SLC67A1: variants seen among roughly 807,000 people sequenced by gnomAD.
SLC67A1 encodes solute carrier family 67 member 1.
At chr11:2,913,248 A>G in the SLC67A1 span, among the ~76,000 whole-genome samples, 1 of 152,112 alleles carries the variant, frequency 6.6e-6, no homozygotes, top group Admixed American at 6.5e-5. Context: ...CGCAGTGCCC[A>G]GGACACTCCG....
At chr11:2,923,035 A>G in the SLC67A1 span, among the ~76,000 whole-genome samples, 3 of 152,186 alleles carry the variant, frequency 2.0e-5, no homozygotes, top group East Asian at 5.8e-4. The surrounding 1 kb of genome is among the most constrained non-coding windows in gnomAD (Gnocchi z 6.5). Context: ...TCCCCTAGAC[A>G]TAGATTCCCC....
At chr11:2,914,956 G>C in the SLC67A1 span, 39 of 985,296 alleles carry the variant, frequency 4.0e-5, no homozygotes, top group South Asian at 1.6e-3. Context: ...CCCCTTCCCT[G>C]GCATTTTCCC....
chr11:2,922,145 C>CGGA, the SLC67A1 span: 1 of 1,613,688 alleles, frequency 6.2e-7, no homozygotes, highest in Non-Finnish European at 8.5e-7. Flanking sequence ...AGCCACTTCT[C>CGGA]GGAGGAGGTG....
chr11:2,916,878 A>C, the SLC67A1 span: 1 of 707,426 alleles, frequency 1.4e-6, no homozygotes, highest in Non-Finnish European at 2.5e-6. Flanking sequence ...CCTTCCTTGA[A>C]CCCTTCCCAG....
chr11:2,913,455 A>G, the SLC67A1 span, among the ~76,000 whole-genome samples: 2 of 151,932 alleles, frequency 1.3e-5, no homozygotes, highest in African/African-American at 2.4e-5. Flanking sequence ...GTGTTTGGGG[A>G]ATGGGGGGAC....
the SLC67A1 span, chr11:2,916,886 C>A: frequency 3.0e-6 from 2 of 671,166 alleles, no homozygotes; most frequent in East Asian, 2.7e-5. Context: ...GAACCCTTCC[C>A]AGCTGCTGAC....
At chr11:2,922,171 G>A in the SLC67A1 span, 24 of 1,613,662 alleles carry the variant, frequency 1.5e-5, no homozygotes, top group African/African-American at 6.7e-5. Flanking sequence ...CCGGGCCAGC[G>A]TGCTGGTCTT....
chr11:2,924,637 G>A, the SLC67A1 span, among the ~76,000 whole-genome samples: 5 of 152,216 alleles, frequency 3.3e-5, no homozygotes, highest in Admixed American at 6.5e-5. The surrounding 1 kb of genome is among the most constrained non-coding windows in gnomAD (Gnocchi z 8.6). Context: ...GCCTTCTGCG[G>A]TGACCTGTGG....
chr11:2,924,292 G>A, the SLC67A1 span, among the ~76,000 whole-genome samples: 27 of 152,322 alleles, frequency 1.8e-4, no homozygotes, highest in Middle Eastern at 0.01. The surrounding 1 kb of genome is among the most constrained non-coding windows in gnomAD (Gnocchi z 8.6). Flanking sequence ...GGACAGGAGG[G>A]GCAGGTGGAG....
the SLC67A1 span, chr11:2,919,739 G>T: frequency 8.8e-6 from 3 of 339,082 alleles, no homozygotes; most frequent in Middle Eastern, 8.3e-4. Context: ...GCCTTGCAGG[G>T]TCCTTGGCAG....
the SLC67A1 span, among the ~76,000 whole-genome samples, chr11:2,924,547 C>T: frequency 5.3e-5 from 8 of 152,206 alleles, no homozygotes; most frequent in African/African-American, 1.4e-4. This position sits in a 1 kb window ranked among gnomAD's most constrained non-coding sequence, Gnocchi z 8.6. Context: ...CCGTGAGAGC[C>T]AGCTCCCTGA....
chr11:2,923,331 A>ACCAAGGTCTAGAGGCCCGGATG, the SLC67A1 span, among the ~76,000 whole-genome samples: 11 of 147,914 alleles, frequency 7.4e-5, no homozygotes, highest in African/African-American at 2.5e-4. The surrounding 1 kb of genome is among the most constrained non-coding windows in gnomAD (Gnocchi z 6.5). Context: ...GAGGCAGCAG[A>ACCAAGGTCTAGAGGCCCGGATG]TCCAGAAACT....
At chr11:2,904,480 A>G in the SLC67A1 span, among the ~76,000 whole-genome samples, 1 of 152,244 alleles carries the variant, frequency 6.6e-6, no homozygotes, top group Admixed American at 6.5e-5. Flanking sequence ...GCTGGGCAGG[A>G]GCCTTGCTTT....
At chr11:2,901,035 G>A in the SLC67A1 span, among the ~76,000 whole-genome samples, 2 of 152,304 alleles carry the variant, frequency 1.3e-5, no homozygotes, top group Non-Finnish European at 2.9e-5. Flanking sequence ...CTGGCTGTGT[G>A]GAAAGGCGGG....
chr11:2,909,123 G>A, the SLC67A1 span: 1 of 1,355,968 alleles, frequency 7.4e-7, no homozygotes, highest in Non-Finnish European at 9.7e-7. Flanking sequence ...AGCCCCGCCT[G>A]GGCAGCCCCT....
the SLC67A1 span, chr11:2,909,332 G>A: frequency 4.6e-6 from 7 of 1,529,862 alleles, no homozygotes; most frequent in African/African-American, 4.2e-5. Flanking sequence ...GCGCCTGCCC[G>A]GAGCGCTCAT....
chr11:2,900,692 C>CAAAAAAAAAAAAAAAAAAAA, the SLC67A1 span, among the ~76,000 whole-genome samples: 19 of 59,636 alleles, frequency 3.2e-4, no homozygotes, highest in South Asian at 8.4e-4. Flanking sequence ...GACTCCGTCT[C>CAAAAAAAAAAAAAAAAAAAA]AAAAAAAAAA....
the SLC67A1 span, among the ~76,000 whole-genome samples, chr11:2,901,757 T>C: frequency 6.6e-6 from 1 of 152,124 alleles, no homozygotes; most frequent in Non-Finnish European, 1.5e-5. Context: ...GGGAGGGAAG[T>C]GAGGAGGGGC....
At chr11:2,914,831 CAAAG>C in the SLC67A1 span, 1 of 985,318 alleles carries the variant, frequency 1.0e-6, no homozygotes, top group Non-Finnish European at 1.2e-6. Context: ...GCCAGGGTCC[CAAAG>C]AAAGGGCCCG....
Sources: gnomAD v4.1 joint callset for allele counts (sites outside exome capture counted in the v4.1 genomes callset) on GRCh38, gnomAD v4.1.1 for gene constraint, Gnocchi (gnomAD v3.1) non-coding constraint, MANE v1.5 for transcripts, NCBI Gene and HGNC (gene_info 2026-07-23, HGNC 2026-07-21) for gene names.